The following SYTL5 variants were observed in gnomAD, a reference collection of about 807,000 sequenced individuals.
SYTL5 encodes synaptotagmin-like protein 5.
In SYTL5, 34 loss-of-function variants were observed where a neutral mutation model predicts 55.9. That is an observed-to-expected ratio of 0.61 (90% CI 0.46 to 0.81). SYTL5 has a LOEUF of 0.81. Ranked by LOEUF, SYTL5 falls within the 30% of genes least tolerant of loss-of-function variation. The pLI, the probability that SYTL5 is intolerant of heterozygous loss-of-function variation, is 0.00. For missense variants in SYTL5, 637 were observed against 546.7 expected (o/e 1.17, Z -1.65); for synonymous variants, 221 against 188.7 (o/e 1.17, Z -1.40).
chrX:37,890,294 T>A, the SYTL5 span, among the ~76,000 whole-genome samples: 1 of 111,582 alleles, frequency 9.0e-6, no homozygotes. Flanking sequence ...TTAGATTAAG[T>A]ACATTTACTG....
the SYTL5 span, among the ~76,000 whole-genome samples, chrX:37,968,012 C>T: frequency 9.2e-6 from 1 of 109,195 alleles, no homozygotes; most frequent in East Asian, 2.9e-4. Context: ...TTTGGTACTT[C>T]TTATATTTTC....
At chrX:37,897,344 G>A in the SYTL5 span, among the ~76,000 whole-genome samples, 14 of 110,039 alleles carry the variant, frequency 1.3e-4, no homozygotes, top group African/African-American at 4.3e-4. Flanking sequence ...TTATCCGGGC[G>A]TGGTGTCAGA....
chrX:38,010,143 G>A (rs1266753976), intron 1 of SYTL5, among the ~76,000 whole-genome samples: 1 of 112,166 alleles, frequency 8.9e-6, no homozygotes, highest in Non-Finnish European at 1.9e-5. Context: ...CTGTCAATTG[G>A]GGATAACAAT....
At position 38,089,556 on chromosome X, in the gene SYTL5, G is replaced by C; in HGVS notation, c.800G>C (p.Ser267Thr). The C allele has an allele frequency of 1.7e-6, 2 of 1,210,748 alleles. No homozygotes were observed. Among genetic ancestry groups the C allele is most frequent in the South Asian group, 3.5e-5 (2 of 56,831 alleles). The change falls in exon 7 of 17, where the codon AGC (serine) becomes ACC (threonine). Residue 267 changes from serine (S) to threonine (T), a missense_variant. Ser to Thr is a moderately conservative substitution (Grantham distance 58). Coordinates refer to ENST00000297875, the MANE Select transcript of SYTL5 (RefSeq NM_138780.3). ...TPGTQSSPAP[S>T]TRTVTSVISR... The stretch of plus-strand genomic sequence containing the variant: ...GGCACTCAGAGTTCACCAGCCCCAA[G>C]CACACGAACTGTGACCTCAGTCATC...
intron 7 of SYTL5, among the ~76,000 whole-genome samples, chrX:38,093,002 G>T (rs1291955832): frequency 8.9e-6 from 1 of 111,732 alleles, no homozygotes; most frequent in Admixed American, 9.5e-5. Flanking sequence ...CAAGGAACTT[G>T]GTCTTGCTTC....
chrX:37,979,380 C>A, the SYTL5 span, among the ~76,000 whole-genome samples: 2 of 107,653 alleles, frequency 1.9e-5, no homozygotes, highest in Non-Finnish European at 3.8e-5. Flanking sequence ...GATATTAAAT[C>A]TTTAATATCT....
At chrX:37,996,476 C>T in the SYTL5 span, among the ~76,000 whole-genome samples, 1 of 112,535 alleles carries the variant, frequency 8.9e-6, no homozygotes, top group African/African-American at 3.2e-5. Context: ...TGAAAACTAA[C>T]GCCCAAGTGG....
At chrX:37,936,588 A>G in the SYTL5 span, among the ~76,000 whole-genome samples, 3 of 112,095 alleles carry the variant, frequency 2.7e-5, no homozygotes, top group Admixed American at 9.4e-5. Context: ...GCTATTGAGG[A>G]CTGTAGGTGA....
At chrX:37,938,836 A>G in the SYTL5 span, among the ~76,000 whole-genome samples, 51 of 112,285 alleles carry the variant, frequency 4.5e-4, no homozygotes, top group African/African-American at 1.6e-3. Flanking sequence ...ACTAAGACAG[A>G]CCTTCTGGCA....
chrX:38,127,002 G>A lies in SYTL5; in HGVS notation c.*272G>A, dbSNP rs1937671117. 1 of 250,474 alleles carries A rather than the reference G, an allele frequency of 4.0e-6. No homozygotes were observed. Among genetic ancestry groups the A allele is most frequent in the Non-Finnish European group, 7.1e-6 (1 of 140,705 alleles). The allele number at this position is 250,474 out of a possible 1,213,427, so 20.6% of individuals were successfully genotyped here. A position where few individuals can be genotyped will look rare whatever the true frequency, so the allele number is the denominator to read the frequency against. ...AAGCAAATTGTGCAAAGGCTTATAG[G>A]GTTTATGCCATAAAAGAAATGGCAC... is the stretch of plus-strand genomic sequence containing the variant. On this transcript the variant is annotated 3_prime_UTR_variant, in exon 17 of 17. Transcript: ENST00000297875.
At chrX:37,972,545 T>C in the SYTL5 span, among the ~76,000 whole-genome samples, 19,975 of 110,404 alleles carry the variant, frequency 0.18, 1,709 homozygotes, top group Non-Finnish European at 0.26. Context: ...TGAGGCCCCA[T>C]ATGTTTTGGG....
At chrX:38,090,420 T>C (rs1376399906) in intron 7 of SYTL5, among the ~76,000 whole-genome samples, 1 of 112,344 alleles carries the variant, frequency 8.9e-6, no homozygotes, top group Non-Finnish European at 1.9e-5. Context: ...TTTTCTCTTT[T>C]AAAAGAGAAT....
At chrX:38,126,414 A>C (rs1368146933) in intron 16 of SYTL5, among the ~76,000 whole-genome samples, 174 bp from the exon 17 acceptor site, 6 of 112,299 alleles carry the variant, frequency 5.3e-5, no homozygotes, top group Admixed American at 2.8e-4. Flanking sequence ...AGAATAGTGC[A>C]GGCTGAAATG....
At chrX:38,064,888 TTAAA>T (rs1936058700) in intron 3 of SYTL5, among the ~76,000 whole-genome samples, 1 of 111,544 alleles carries the variant, frequency 9.0e-6, no homozygotes, top group East Asian at 2.8e-4. Flanking sequence ...ATATTGTTTC[TTAAA>T]TTATAGAGTT....
the SYTL5 span, among the ~76,000 whole-genome samples, chrX:37,934,636 T>A: frequency 9.3e-6 from 1 of 107,107 alleles, no homozygotes; most frequent in Admixed American, 9.9e-5. Flanking sequence ...TTTCTTTTTT[T>A]TTTCTTTTTT....
intron 6 of SYTL5, among the ~76,000 whole-genome samples, chrX:38,081,437 T>C (rs1936529036): frequency 8.9e-6 from 1 of 112,017 alleles, no homozygotes. Context: ...AAAAGAACTT[T>C]AGCTAGAAAC....
intron 15 of SYTL5, 44 bp from the exon 16 acceptor site, chrX:38,125,254 T>A (rs1296107242): frequency 9.0e-7 from 1 of 1,112,336 alleles, no homozygotes; most frequent in Non-Finnish European, 1.2e-6. Flanking sequence ...TGACATTTTC[T>A]GTCTGCTGTC....
chrX:37,977,035 A>T, the SYTL5 span, among the ~76,000 whole-genome samples: 1 of 111,672 alleles, frequency 9.0e-6, no homozygotes, highest in African/African-American at 3.3e-5. Context: ...CTTTACTCTT[A>T]ATAAGAATTT....
chrX:38,053,772 C>G (rs1935688491), intron 2 of SYTL5, among the ~76,000 whole-genome samples: 1 of 112,071 alleles, frequency 8.9e-6, no homozygotes, highest in Non-Finnish European at 1.9e-5. Flanking sequence ...GCCATGCTCT[C>G]TAGTGTTATG....
Sources: allele counts gnomAD v4.1 joint callset (sites outside exome capture counted in the v4.1 genomes callset), GRCh38; gene constraint gnomAD v4.1.1; transcripts MANE v1.5; gene names NCBI Gene and HGNC (gene_info 2026-07-23, HGNC 2026-07-21).